DOCK4: variants seen among roughly 807,000 people sequenced by gnomAD.
DOCK4 encodes dedicator of cytokinesis protein 4.
In DOCK4, 97 loss-of-function variants were observed where a neutral mutation model predicts 268.1. That is an observed-to-expected ratio of 0.36 (90% CI 0.31 to 0.43). The LOEUF is 0.43. Among genes scored for constraint, DOCK4 ranks in the 20% least tolerant of loss-of-function variants. The probability of loss-of-function intolerance (pLI) is 1.00; values close to 1 mark genes in which losing one functional copy is unlikely to be tolerated. For missense variants in DOCK4, 2,145 were observed against 2,455.7 expected, an observed-to-expected ratio of 0.87 and a Z score of 2.67; for synonymous variants, 954 against 887.2, an observed-to-expected ratio of 1.08 and a Z score of -1.34.
At chr7:111,860,748 A>G (rs1805440719) in intron 23 of DOCK4, among the ~76,000 whole-genome samples, 1 of 151,890 alleles carries the variant, frequency 6.6e-6, no homozygotes, top group Admixed American at 6.5e-5. Context: ...CATAGTACAT[A>G]CTCTCATCAA....
At chr7:112,036,269 A>G (rs1803750172) in intron 1 of DOCK4, among the ~76,000 whole-genome samples, 1 of 152,218 alleles carries the variant, frequency 6.6e-6, no homozygotes, top group Admixed American at 6.5e-5. Flanking sequence ...TAAACAAGAA[A>G]TGAATAAAAA....
At chr7:111,806,701 A>G (rs943876102) in intron 30 of DOCK4, among the ~76,000 whole-genome samples, 1 of 152,328 alleles carries the variant, frequency 6.6e-6, no homozygotes, top group South Asian at 2.1e-4. Context: ...AAAACTTGCT[A>G]AAACAGACTG....
At chr7:112,066,718 T>TCTCC (rs1807082686) in intron 1 of DOCK4, among the ~76,000 whole-genome samples, 6 of 99,120 alleles carry the variant, frequency 6.1e-5, no homozygotes, top group African/African-American at 2.3e-4. Flanking sequence ...TATATATATA[T>TCTCC]ATATATATAT....
chr7:111,802,342 CTCA>C (rs1038108484), intron 30 of DOCK4, among the ~76,000 whole-genome samples: 5 of 152,200 alleles, frequency 3.3e-5, no homozygotes, highest in African/African-American at 9.6e-5. Context: ...ATAACCCTGC[CTCA>C]TGAGATGGCT....
chr7:112,057,955 TTAA>T (rs1376563730), intron 1 of DOCK4, among the ~76,000 whole-genome samples: 1 of 151,578 alleles, frequency 6.6e-6, no homozygotes, highest in Non-Finnish European at 1.5e-5. Flanking sequence ...TATTTTACGC[TTAA>T]TAAGAATTTA....
At chr7:111,752,328 G>C (rs1406032861) in intron 42 of DOCK4, among the ~76,000 whole-genome samples, 1 of 152,022 alleles carries the variant, frequency 6.6e-6, no homozygotes, top group Non-Finnish European at 1.5e-5. Context: ...AGACTACAGG[G>C]ATAAGGGGGA....
chr7:112,149,263 T>C (rs948610126), intron 1 of DOCK4, among the ~76,000 whole-genome samples: 1 of 152,148 alleles, frequency 6.6e-6, no homozygotes, highest in Non-Finnish European at 1.5e-5. Context: ...AGCTTCCCAC[T>C]TGAATATACC....
intron 1 of DOCK4, among the ~76,000 whole-genome samples, chr7:112,169,522 G>A (rs988064329): frequency 6.6e-6 from 1 of 152,178 alleles, no homozygotes; most frequent in Non-Finnish European, 1.5e-5. Context: ...CATTTTCTAT[G>A]AGGGTGGGGG....
At chr7:111,935,719 A>G (rs757141114) in intron 11 of DOCK4, 91 bp from the exon 12 acceptor site, 18 of 1,090,046 alleles carry the variant, frequency 1.7e-5, no homozygotes, top group Non-Finnish European at 2.2e-5. Flanking sequence ...CGTTATAACC[A>G]CTATAATGTA....
intron 1 of DOCK4, among the ~76,000 whole-genome samples, chr7:112,020,608 G>A (rs1326431646): frequency 6.7e-6 from 1 of 149,334 alleles, no homozygotes; most frequent in African/African-American, 2.5e-5. Flanking sequence ...TGAGAGCACC[G>A]TAAGACCATG....
chr7:111,843,144 T>C (rs1441907611), intron 25 of DOCK4, among the ~76,000 whole-genome samples: 2 of 152,148 alleles, frequency 1.3e-5, no homozygotes, highest in Non-Finnish European at 2.9e-5. Context: ...ACATGTAAAA[T>C]ATAAAACTAT....
chr7:111,945,007 T>G, intron 9 of DOCK4, 136 bp from the exon 10 acceptor site: 2 of 733,198 alleles, frequency 2.7e-6, no homozygotes, highest in Non-Finnish European at 4.8e-6. Context: ...CAGAAGTACA[T>G]GATTTAAATC....
At chr7:111,940,067 C>A (rs1795082154) in intron 11 of DOCK4, 43 bp downstream of exon 11, 5 of 1,607,472 alleles carry the variant, frequency 3.1e-6, no homozygotes, top group Non-Finnish European at 4.3e-6. Flanking sequence ...CCCACATGTA[C>A]CCCTGTGCCT....
At chr7:111,934,403 C>T (rs1045653934) in intron 12 of DOCK4, among the ~76,000 whole-genome samples, 5 of 152,106 alleles carry the variant, frequency 3.3e-5, no homozygotes, top group Non-Finnish European at 5.9e-5. Flanking sequence ...CTTCACATGC[C>T]ACTGCAATCA....
At chr7:111,837,602 C>T (rs549603199) in intron 25 of DOCK4, among the ~76,000 whole-genome samples, 1 of 152,046 alleles carries the variant, frequency 6.6e-6, no homozygotes, top group East Asian at 1.9e-4. Context: ...CTTCTACACA[C>T]TAAAAATGAA....
chr7:112,115,289 G>C (rs961789958), intron 1 of DOCK4, among the ~76,000 whole-genome samples: 2 of 152,146 alleles, frequency 1.3e-5, no homozygotes, highest in African/African-American at 2.4e-5. Flanking sequence ...ATAGGGCCTA[G>C]CCTAGGAATA....
chr7:112,192,229 C>T (rs1820020278), intron 1 of DOCK4, among the ~76,000 whole-genome samples: 3 of 151,526 alleles, frequency 2.0e-5, no homozygotes, highest in African/African-American at 7.3e-5. Context: ...AAACCATTTT[C>T]CAAGATACTT....
chr7:112,157,058 A>G lies in DOCK4; in HGVS notation c.37+49044T>C, dbSNP rs543693511. ...GAAACATGTAATTTTTCTCCTTCAC[A>G]CTTTTTCCTATCTTCCTAGATTTCT... On this transcript the variant is annotated intron_variant, in intron 1 of 52. Transcript: ENST00000428084. Among the ~76,000 whole-genome samples, 28 of 152,240 alleles carry G rather than the reference A, an allele frequency of 1.8e-4. No homozygotes were observed. The South Asian group carries it at 5.2e-3, about 28-fold the overall frequency.
At chr7:112,192,521 A>G (rs549099624) in intron 1 of DOCK4, among the ~76,000 whole-genome samples, 1 of 152,332 alleles carries the variant, frequency 6.6e-6, no homozygotes, top group Non-Finnish European at 1.5e-5. Flanking sequence ...GAATAATATC[A>G]TCACCATCCC....
Sources: gnomAD v4.1 joint callset for allele counts (sites outside exome capture counted in the v4.1 genomes callset) on GRCh38, gnomAD v4.1.1 for gene constraint, MANE v1.5 for transcripts, NCBI Gene and HGNC (gene_info 2026-07-23, HGNC 2026-07-21) for gene names.